The following UVSSA variants were observed in gnomAD, a reference collection of about 807,000 sequenced individuals.
UVSSA encodes UV-stimulated scaffold protein A.
Under a neutral mutation model 73.9 loss-of-function variants are expected in UVSSA, and 72 were observed. That is an observed-to-expected ratio of 0.97 (90% CI 0.81 to 1.19). The LOEUF (loss-of-function observed/expected upper bound fraction) is 1.19. Ranked by LOEUF, UVSSA falls within the 50% of genes most tolerant of loss-of-function variation. The pLI is 0.00. For synonymous variants in UVSSA, 454 were observed against 391.3 expected, an observed-to-expected ratio of 1.16 and a Z score of -1.89; for missense variants, 1,150 against 965.0, an observed-to-expected ratio of 1.19 and a Z score of -2.54.
In UVSSA at chr4:1,365,760, A is replaced by G. The variant is rs150825632; in HGVS notation, c.1177-560A>G. Among the ~76,000 whole-genome samples the G allele has an allele frequency of 2.6e-4, 40 of 152,306 alleles. No individual in the cohort carries two copies. The East Asian group carries it at 6.6e-3, about 25-fold the overall frequency. On this transcript the variant is annotated intron_variant, in intron 7 of 13. Transcript: ENST00000389851. ...GGGAGCTAGCCCTGGCCCGTTGCCT[A>G]AGAGCAGACGCACCTGCTCCACCTG...
chr4:1,379,866 T>C lies in UVSSA; in HGVS notation c.1569-181T>C, dbSNP rs1319629106. Among the ~76,000 whole-genome samples the C allele has an allele frequency of 3.3e-4, 10 of 30,572 alleles. 1 individual carries two copies. Among genetic ancestry groups the C allele is most frequent in the Non-Finnish European group, 4.8e-4 (8 of 16,566 alleles). 20.1% of individuals were successfully genotyped at this position (30,572 alleles called of 152,430 possible). A position where few individuals can be genotyped will look rare whatever the true frequency, so the allele number is the denominator to read the frequency against. On this transcript the variant is annotated intron_variant, in intron 10 of 13. Coordinates refer to ENST00000389851, the MANE Select transcript of UVSSA (RefSeq NM_020894.4). ...GTCGTGCCCGTGGTCGCGCGGCTGG[T>C]TCATGTGGCGTCAGAATTCAGACCC...
At chr4:1,379,610 G>A (rs926190109) in intron 10 of UVSSA, among the ~76,000 whole-genome samples, 3 of 152,182 alleles carry the variant, frequency 2.0e-5, no homozygotes, top group Non-Finnish European at 2.9e-5. Flanking sequence ...CTGTCCTTAC[G>A]TCCCTGCAGT....
At chr4:1,355,464 C>T (rs892505067) in intron 7 of UVSSA, among the ~76,000 whole-genome samples, 9 of 152,208 alleles carry the variant, frequency 5.9e-5, no homozygotes, top group Non-Finnish European at 1.3e-4. Flanking sequence ...GGGTGTTGCC[C>T]GGCTGCCGTG....
rs529990994 is a variant in UVSSA, at chr4:1,352,779, C to T, written c.551-251C>T. On this transcript the variant is annotated intron_variant, in intron 4 of 13. Coordinates refer to ENST00000389851, the MANE Select transcript of UVSSA (RefSeq NM_020894.4). Reference sequence around the variant, plus strand: ...CCAGCCTGGGCAACATAGCAGGACCCTGTTTCTACAGAAAAGTTAGTTGAG... The same window carrying T: ...CCAGCCTGGGCAACATAGCAGGACCTTGTTTCTACAGAAAAGTTAGTTGAG... 2.2e-3 allele frequency among the ~76,000 whole-genome samples: 334 copies of T among 152,362 alleles called. 1 individual carries two copies. Among genetic ancestry groups the T allele is most frequent in the African/African-American group, 7.7e-3 (320 of 41,586 alleles).
At chr4:1,379,051 C>T (rs1042023715) in intron 10 of UVSSA, among the ~76,000 whole-genome samples, 4 of 150,772 alleles carry the variant, frequency 2.7e-5, no homozygotes, top group African/African-American at 9.7e-5. Context: ...TGGGGCTGTG[C>T]TCCTGTCTGT....
intron 10 of UVSSA, among the ~76,000 whole-genome samples, chr4:1,378,707 C>T (rs1013379495): frequency 2.6e-5 from 4 of 152,220 alleles, no homozygotes; most frequent in Non-Finnish European, 4.4e-5. Context: ...GTCCGAGTTC[C>T]GGGTGGCAGA....
chr4:1,383,558 G>A (rs1237575537), intron 12 of UVSSA, among the ~76,000 whole-genome samples: 2 of 152,130 alleles, frequency 1.3e-5, no homozygotes, highest in Non-Finnish European at 2.9e-5. Flanking sequence ...CCCTGTGGGG[G>A]CCAGCATGCC....
At chr4:1,365,577 C>T (rs940896898) in intron 7 of UVSSA, among the ~76,000 whole-genome samples, 6 of 152,220 alleles carry the variant, frequency 3.9e-5, no homozygotes, top group Non-Finnish European at 8.8e-5. Flanking sequence ...AGTGAGGGAT[C>T]CCCCCACACC....
chr4:1,363,672 A>G (rs1253346461), intron 7 of UVSSA, among the ~76,000 whole-genome samples: 1 of 152,210 alleles, frequency 6.6e-6, no homozygotes, highest in East Asian at 1.9e-4. Flanking sequence ...TCTGTACAGA[A>G]ATAATTTTCA....
rs1458319766 is a variant in UVSSA, at chr4:1,384,017, C to T, written c.2036+77C>T. 1.5e-4 allele frequency: 225 copies of T among 1,468,228 alleles called. 1 individual carries two copies. The highest frequency in any genetic ancestry group is 9.9e-6 in the Non-Finnish European group (11 of 1,108,568). 91.0% of individuals were successfully genotyped at this position (1,468,228 alleles called of 1,614,324 possible). On this transcript the variant is annotated intron_variant, in intron 13 of 13. Transcript: ENST00000389851. ...GTGTTCGAGGGGGGCCATCTGAGCGCCAAGATATTCCAGGGACTTGGGGCC... is the reference window on the plus strand; with the variant it reads ...GTGTTCGAGGGGGGCCATCTGAGCGTCAAGATATTCCAGGGACTTGGGGCC...
At chr4:1,346,900 C>G (rs1046505610), upstream of UVSSA, among the ~76,000 whole-genome samples, 5 of 152,252 alleles carry the variant, frequency 3.3e-5, no homozygotes, top group African/African-American at 4.8e-5. Flanking sequence ...CTCCCCACCC[C>G]CGGCAGCCTG....
chr4:1,362,621 G>A (rs576454636), intron 7 of UVSSA, among the ~76,000 whole-genome samples: 32 of 152,304 alleles, frequency 2.1e-4, no homozygotes, highest in Non-Finnish European at 2.9e-4. Flanking sequence ...CCCCCGCACC[G>A]GTGCCCAGCC....
chr4:1,395,968 T>C, exon 14 of UVSSA: 1 of 1,488,324 alleles, frequency 6.7e-7, no homozygotes, highest in South Asian at 1.4e-5. Flanking sequence ...TCATGGATGC[T>C]GATTAAAAGA....
intron 7 of UVSSA, chr4:1,357,001 C>T (rs1441182017): frequency 6.5e-6 from 1 of 153,284 alleles, no homozygotes; most frequent in East Asian, 1.9e-4. Context: ...TGGTGAGGGT[C>T]CACAGAGCAG....
exon 14 of UVSSA, chr4:1,394,646 C>G: frequency 6.6e-7 from 1 of 1,518,424 alleles, no homozygotes; most frequent in Non-Finnish European, 8.9e-7. Context: ...TGCCCGCCTG[C>G]TCACACATGC....
At chr4:1,369,946 C>T (rs901033864) in intron 8 of UVSSA, among the ~76,000 whole-genome samples, 1 of 152,348 alleles carries the variant, frequency 6.6e-6, no homozygotes, top group East Asian at 1.9e-4. Flanking sequence ...TTCCGGGAGT[C>T]GTTATTCTTC....
intron 9 of UVSSA, 51 bp downstream of exon 9, chr4:1,375,559 C>G (rs757250353): frequency 8.2e-6 from 13 of 1,583,014 alleles, no homozygotes; most frequent in South Asian, 1.1e-5. Flanking sequence ...GCTGCCACAG[C>G]CTCTGCCCAG....
intron 3 of UVSSA, among the ~76,000 whole-genome samples, chr4:1,350,373 A>C (rs1459763832): frequency 2.0e-5 from 3 of 152,152 alleles, no homozygotes; most frequent in Non-Finnish European, 4.4e-5. Flanking sequence ...ACGAAGGCTC[A>C]GTCCTCCCCA....
In UVSSA at chr4:1,366,313, T is replaced by C; in HGVS notation, c.1177-7T>C. ...GGGTTGATTTGTATTGGGGTGTTTT[T>C]CCACAGACAGAAGCCCTGGGGGATG... On this transcript the variant is annotated splice_region_variant and splice_polypyrimidine_tract_variant and intron_variant, in intron 7 of 13. Coordinates refer to ENST00000389851, the MANE Select transcript of UVSSA (RefSeq NM_020894.4). The C allele has an allele frequency of 6.2e-7, 1 of 1,606,954 alleles. No homozygotes were observed. The highest frequency in any genetic ancestry group is 8.5e-7 in the Non-Finnish European group (1 of 1,176,286).
Sources: allele counts gnomAD v4.1 joint callset (sites outside exome capture counted in the v4.1 genomes callset), GRCh38; gene constraint gnomAD v4.1.1; transcripts MANE v1.5; gene names NCBI Gene and HGNC (gene_info 2026-07-23, HGNC 2026-07-21).